NR3C1: variants seen among roughly 807,000 people sequenced by gnomAD.
The protein encoded by NR3C1 is glucocorticoid receptor.
Under a neutral mutation model 74.0 loss-of-function variants are expected in NR3C1, and 14 were observed. That is an observed-to-expected ratio of 0.19 (90% confidence interval 0.12 to 0.30). NR3C1 has a LOEUF of 0.30. Ranked by LOEUF, NR3C1 falls within the 10% of genes least tolerant of loss-of-function variation. NR3C1 has a pLI of 1.00. For synonymous variants in NR3C1, 308 were observed against 332.5 expected, an observed-to-expected ratio of 0.93 and a Z score of 0.80; for missense variants, 695 against 909.8, an observed-to-expected ratio of 0.76 and a Z score of 3.04.
intron 2 of NR3C1, among the ~76,000 whole-genome samples, chr5:143,385,784 A>T (rs1191000569): frequency 6.6e-6 from 1 of 152,200 alleles, no homozygotes; most frequent in East Asian, 1.9e-4. Context: ...GTCTCTAGGA[A>T]GTTCCAAACA....
chr5:143,317,453 G>T (rs1822383653), intron 2 of NR3C1, among the ~76,000 whole-genome samples: 1 of 152,124 alleles, frequency 6.6e-6, no homozygotes, highest in Non-Finnish European at 1.5e-5. Context: ...AGAATGTTAA[G>T]AAGTTCCATT....
chr5:143,285,412 G>C (rs550401671), intron 7 of NR3C1, among the ~76,000 whole-genome samples: 64 of 152,232 alleles, frequency 4.2e-4, no homozygotes, highest in Admixed American at 2.2e-3. Flanking sequence ...CTTTGTCTCA[G>C]AATCAATAAG....
At chr5:143,303,954 C>A (rs1402329638) in intron 4 of NR3C1, among the ~76,000 whole-genome samples, 1 of 152,100 alleles carries the variant, frequency 6.6e-6, no homozygotes, top group Non-Finnish European at 1.5e-5. Flanking sequence ...GACAAACCAA[C>A]AGCCAACATC....
intron 2 of NR3C1, among the ~76,000 whole-genome samples, chr5:143,335,430 A>G (rs1826940016): frequency 6.6e-6 from 1 of 152,252 alleles, no homozygotes; most frequent in Non-Finnish European, 1.5e-5. Flanking sequence ...TGAAAAGGTA[A>G]TTTGTCAAAT....
chr5:143,332,634 G>A lies in NR3C1; in HGVS notation c.1185-18466C>T, dbSNP rs2151706475. The A allele has an allele frequency of 7.1e-6, 11 of 1,541,274 alleles. No homozygotes were observed. In the South Asian group the frequency reaches 1.3e-4, roughly 18 times the overall value. On this transcript the variant is annotated intron_variant, in intron 2 of 8. Coordinates refer to ENST00000394464, the MANE Select transcript of NR3C1 (RefSeq NM_000176.3). ...AGTAGCAAGACAGAAGAAAGGAAAA[G>A]GGCTCAGGTTTAAGCGACTGGAATC...
At chr5:143,328,014 C>T (rs1825026701) in intron 2 of NR3C1, among the ~76,000 whole-genome samples, 1 of 152,246 alleles carries the variant, frequency 6.6e-6, no homozygotes, top group South Asian at 2.1e-4. Context: ...CCGCATTGCC[C>T]TAGCAGAGGT....
At chr5:143,325,535 T>C (rs1824397295) in intron 2 of NR3C1, among the ~76,000 whole-genome samples, 1 of 152,246 alleles carries the variant, frequency 6.6e-6, no homozygotes, top group Admixed American at 6.5e-5. Context: ...ACAGTGCTTG[T>C]GTTCAAGTAA....
intron 2 of NR3C1, among the ~76,000 whole-genome samples, chr5:143,385,952 A>G (rs1485620422): frequency 6.6e-6 from 1 of 152,212 alleles, no homozygotes; most frequent in Admixed American, 6.5e-5. Context: ...TCACAGTGCT[A>G]TAAAGAACTA....
At chr5:143,381,030 A>G (rs889633589) in intron 2 of NR3C1, among the ~76,000 whole-genome samples, 9 of 152,190 alleles carry the variant, frequency 5.9e-5, no homozygotes, top group African/African-American at 2.2e-4. Context: ...AGACTGTATG[A>G]TCTTATTGGA....
chr5:143,324,726 T>C (rs1271503003), intron 2 of NR3C1, among the ~76,000 whole-genome samples: 1 of 152,236 alleles, frequency 6.6e-6, no homozygotes, highest in Non-Finnish European at 1.5e-5. Context: ...TTTATGCTGT[T>C]TCCCTTTTAA....
chr5:143,319,232 TG>T (rs1482168086), intron 2 of NR3C1, among the ~76,000 whole-genome samples: 1 of 152,164 alleles, frequency 6.6e-6, no homozygotes, highest in Admixed American at 6.6e-5. Flanking sequence ...CTAATAGGAA[TG>T]GTAATGTACC....
chr5:143,344,367 C>T (rs535209734), intron 2 of NR3C1, among the ~76,000 whole-genome samples: 1 of 152,272 alleles, frequency 6.6e-6, no homozygotes, highest in African/African-American at 2.4e-5. Flanking sequence ...ACAACTAATA[C>T]TAATTAGTTA....
At chr5:143,320,149 T>C (rs1379137166) in intron 2 of NR3C1, among the ~76,000 whole-genome samples, 2 of 152,352 alleles carry the variant, frequency 1.3e-5, no homozygotes, top group East Asian at 3.9e-4. Flanking sequence ...CTGCATTAGC[T>C]AAAGAATTAC....
rs61751249 is a variant in NR3C1 at position 143,393,710 on chromosome 5, A to G, written c.1184+5946T>C. On this transcript the variant is annotated intron_variant, in intron 2 of 8. Transcript: ENST00000394464. ...TTCAGCATGTGACAATCATAAGGTC[A>G]TAAGTCACAGCACTGCCCCAACCAG... Among the ~76,000 whole-genome samples the G allele has an allele frequency of 1.7e-4, 26 of 152,158 alleles. 1 individual carries two copies. The highest frequency in any genetic ancestry group is 5.8e-4 in the African/African-American group (24 of 41,464).
chr5:143,292,849 A>G (rs553591088), intron 7 of NR3C1, among the ~76,000 whole-genome samples: 108 of 152,176 alleles, frequency 7.1e-4, no homozygotes, highest in African/African-American at 2.5e-3. Context: ...GTATTTGTCT[A>G]TTCTTCTAGA....
chr5:143,281,779 GAAAACAATAAAAAAT>G lies in NR3C1; in HGVS notation c.*95_*109del. 1 of 1,234,814 alleles carries G rather than the reference GAAAACAATAAAAAAT, an allele frequency of 8.1e-7. No individual in the cohort carries two copies. The highest frequency in any genetic ancestry group is 1.2e-6 in the Non-Finnish European group (1 of 862,216). The allele number at this position is 1,234,814 out of a possible 1,614,324, so 76.5% of individuals were successfully genotyped here. On this transcript the variant is annotated 3_prime_UTR_variant, in exon 9 of 9. Coordinates refer to ENST00000394464, the MANE Select transcript of NR3C1 (RefSeq NM_000176.3). ...GCGTATTTAAAACAAAACAACAGATGAAAACAATAAAAAATAAAACAACAAAACCTCTACAGGACA... is the reference window on the plus strand; with the variant it reads ...GCGTATTTAAAACAAAACAACAGATGAAAACAACAAAACCTCTACAGGACA...
chr5:143,291,877 C>T (rs1486012530), intron 7 of NR3C1, among the ~76,000 whole-genome samples: 1 of 152,154 alleles, frequency 6.6e-6, no homozygotes, highest in Non-Finnish European at 1.5e-5. Context: ...TCCATTGGAG[C>T]CTTTAACCTA....
chr5:143,348,808 T>C (rs1829744904), intron 2 of NR3C1, among the ~76,000 whole-genome samples: 1 of 152,140 alleles, frequency 6.6e-6, no homozygotes, highest in South Asian at 2.1e-4. Context: ...TATCTTTAAA[T>C]AGAAACACAC....
intron 2 of NR3C1, among the ~76,000 whole-genome samples, chr5:143,315,908 T>C (rs1025718082): frequency 1.3e-5 from 2 of 152,232 alleles, no homozygotes; most frequent in East Asian, 3.8e-4. Context: ...CCTGCTTACC[T>C]AACAGGCTTA....
Sources: gnomAD v4.1 joint callset for allele counts (sites outside exome capture counted in the v4.1 genomes callset) on GRCh38, gnomAD v4.1.1 for gene constraint, MANE v1.5 for transcripts, NCBI Gene and HGNC (gene_info 2026-07-23, HGNC 2026-07-21) for gene names.